SHISA9: variants seen among roughly 807,000 people sequenced by gnomAD.
SHISA9 encodes shisa family member 9, also known as protein shisa-9.
In SHISA9, 13 loss-of-function variants were observed where a neutral mutation model predicts 38.0. The ratio of observed to expected loss-of-function variants is 0.34; its 90% CI spans 0.22 to 0.54. The LOEUF (loss-of-function observed/expected upper bound fraction) is 0.54, where lower values mean the gene tolerates loss of function less well. SHISA9 is among the 20% of genes least tolerant of loss of function. The pLI is 0.91. For missense variants in SHISA9, 538 were observed against 575.8 expected (o/e 0.93, Z 0.67); for synonymous variants, 275 against 242.0 (o/e 1.14, Z -1.27).
the SHISA9 span, among the ~76,000 whole-genome samples, chr16:13,532,669 G>A: frequency 6.6e-6 from 1 of 151,900 alleles, no homozygotes; most frequent in African/African-American, 2.4e-5. Context: ...TGTCCCCCTT[G>A]CTTCACATGG....
At chr16:13,003,338 C>A (rs1211240797) in intron 2 of SHISA9, among the ~76,000 whole-genome samples, 4 of 152,184 alleles carry the variant, frequency 2.6e-5, no homozygotes, top group African/African-American at 9.7e-5. Context: ...TGGCCAAGTC[C>A]AGATTTAGAC....
At chr16:12,921,140 C>T (rs2071322939) in intron 2 of SHISA9, among the ~76,000 whole-genome samples, 1 of 152,182 alleles carries the variant, frequency 6.6e-6, no homozygotes, top group Non-Finnish European at 1.5e-5. Context: ...CCCTTACAAC[C>T]ACTCTTTGAA....
intron 2 of SHISA9, among the ~76,000 whole-genome samples, chr16:12,978,285 T>A (rs2072192535): frequency 1.3e-5 from 2 of 152,220 alleles, no homozygotes; most frequent in African/African-American, 4.8e-5. Context: ...TGAGCATGAC[T>A]TCTAGTCTCC....
chr16:13,255,707 T>A, the SHISA9 span, among the ~76,000 whole-genome samples: 6 of 152,206 alleles, frequency 3.9e-5, no homozygotes, highest in East Asian at 1.2e-3. Flanking sequence ...TCCCAATCCT[T>A]ACTACTAATT....
chr16:13,152,634 C>T (rs1277839344), intron 2 of SHISA9, among the ~76,000 whole-genome samples: 6 of 152,018 alleles, frequency 3.9e-5, no homozygotes, highest in Admixed American at 3.9e-4. Context: ...GGTTAAATGC[C>T]AGGACAATCT....
chr16:13,498,215 A>G, the SHISA9 span, among the ~76,000 whole-genome samples: 1 of 152,170 alleles, frequency 6.6e-6, no homozygotes, highest in Non-Finnish European at 1.5e-5. Context: ...ATACCAAAAA[A>G]ATCAGTTTCA....
chr16:13,427,622 G>C, the SHISA9 span, among the ~76,000 whole-genome samples: 1 of 152,196 alleles, frequency 6.6e-6, no homozygotes. Flanking sequence ...GAGGCATAGA[G>C]AGGGAAGAAC....
At chr16:13,436,803 G>T in the SHISA9 span, among the ~76,000 whole-genome samples, 13 of 152,142 alleles carry the variant, frequency 8.5e-5, no homozygotes, top group African/African-American at 3.1e-4. Flanking sequence ...GTTGAGTCAC[G>T]TATTGTTTGG....
chr16:13,270,693 A>G, the SHISA9 span, among the ~76,000 whole-genome samples: 3 of 152,204 alleles, frequency 2.0e-5, no homozygotes, highest in Non-Finnish European at 4.4e-5. Context: ...TCAATATCTG[A>G]AAATAAGGAT....
intron 1 of SHISA9, chr16:12,908,345 A>C: frequency 7.1e-7 from 1 of 1,400,186 alleles, no homozygotes; most frequent in Non-Finnish European, 9.5e-7. Context: ...GGGAGGGTCT[A>C]TATGTGACTA....
chr16:13,061,951 A>T lies in SHISA9; in HGVS notation c.692-141443A>T, dbSNP rs530300272. On this transcript the variant is annotated intron_variant, in intron 2 of 4. Coordinates refer to ENST00000558583, the MANE Select transcript of SHISA9 (RefSeq NM_001145204.3). ...AGTTCCTTAAGTTGGACGGAGCTCA[A>T]TGCGCCAGAGGAAAGGAGAGCAGGC... Among the ~76,000 whole-genome samples the T allele has an allele frequency of 1.3e-3, 193 of 152,308 alleles. 1 individual carries two copies. The highest frequency in any genetic ancestry group is 2.3e-3 in the Non-Finnish European group (154 of 68,028).
At chr16:13,364,864 G>A in the SHISA9 span, among the ~76,000 whole-genome samples, 2 of 152,178 alleles carry the variant, frequency 1.3e-5, no homozygotes, top group African/African-American at 4.8e-5. Flanking sequence ...TAGGGGTTCC[G>A]TCTTTGTGTA....
chr16:13,224,976 G>A (rs2051264873), intron 4 of SHISA9, among the ~76,000 whole-genome samples: 1 of 152,152 alleles, frequency 6.6e-6, no homozygotes, highest in Non-Finnish European at 1.5e-5. Flanking sequence ...CTCAGGCTGG[G>A]AATGCACATG....
At chr16:13,141,652 C>T (rs1337813180) in intron 2 of SHISA9, among the ~76,000 whole-genome samples, 1 of 151,996 alleles carries the variant, frequency 6.6e-6, no homozygotes, top group Non-Finnish European at 1.5e-5. Flanking sequence ...CACTATACTC[C>T]AGCCAGGTGA....
intron 2 of SHISA9, among the ~76,000 whole-genome samples, chr16:13,035,306 A>G (rs2073041575): frequency 6.6e-6 from 1 of 152,138 alleles, no homozygotes; most frequent in Non-Finnish European, 1.5e-5. Context: ...ATGGAGATTA[A>G]ATGACTCACA....
At chr16:13,507,601 C>T in the SHISA9 span, among the ~76,000 whole-genome samples, 1 of 152,072 alleles carries the variant, frequency 6.6e-6, no homozygotes, top group Non-Finnish European at 1.5e-5. Flanking sequence ...GTTCCTGGAC[C>T]ATGCATTTAA....
intron 2 of SHISA9, among the ~76,000 whole-genome samples, chr16:13,026,934 T>C (rs1357829508): frequency 6.6e-6 from 1 of 151,926 alleles, no homozygotes; most frequent in Non-Finnish European, 1.5e-5. Context: ...TTGATCAGAG[T>C]CAACATTTAG....
chr16:13,079,019 T>C (rs1238678379), intron 2 of SHISA9, among the ~76,000 whole-genome samples: 1 of 152,224 alleles, frequency 6.6e-6, no homozygotes, highest in Non-Finnish European at 1.5e-5. Flanking sequence ...TCTTGCTAAG[T>C]GACCCTGTGT....
the SHISA9 span, among the ~76,000 whole-genome samples, chr16:13,500,100 C>A: frequency 1.3e-5 from 2 of 152,174 alleles, no homozygotes; most frequent in African/African-American, 4.8e-5. Flanking sequence ...AAGGAGAGAC[C>A]TGGTGAGAGG....
Sources: gnomAD v4.1 joint callset for allele counts (sites outside exome capture counted in the v4.1 genomes callset) on GRCh38, gnomAD v4.1.1 for gene constraint, MANE v1.5 for transcripts, NCBI Gene and HGNC (gene_info 2026-07-23, HGNC 2026-07-21) for gene names.